PLCD1: variants seen among roughly 807,000 people sequenced by gnomAD.
The protein encoded by PLCD1 is phospholipase C delta 1, also known as 1-phosphatidylinositol 4,5-bisphosphate phosphodiesterase delta-1.
A neutral mutation model predicts 87.4 loss-of-function variants in PLCD1; 71 were observed. The observed-to-expected ratio is 0.81, with a 90% CI of 0.67 to 0.99. The LOEUF is 0.99. PLCD1 is among the 50% of genes least tolerant of loss of function. The probability of loss-of-function intolerance (pLI) is 0.00; values close to 1 mark genes in which losing one functional copy is unlikely to be tolerated. For synonymous variants in PLCD1, 348 were observed against 399.2 expected (o/e 0.87, Z 1.53); for missense variants, 867 against 1,001.5 (o/e 0.87, Z 1.81).
chr3:38,024,840 AG>A, intron 1 of PLCD1: 1 of 814,796 alleles, frequency 1.2e-6, no homozygotes, highest in South Asian at 1.8e-5. Context: ...GCCATCCAAG[AG>A]GGGTGGGACT....
rs1337585849 is a variant in PLCD1 at position 38,016,717 on chromosome 3, A to T, written c.202T>A (p.Ser68Thr). ...VMRTPESQLF[S>T]IEDIQEVRMG... ...CGCACCTCCTGAATGTCCTCGATGG[A>T]GACTGCGAGAGGGGGATGGTGGAGG... The change falls in exon 3 of 15, where the codon TCC becomes ACC. Residue 68 changes from serine to threonine, a missense_variant and splice_region_variant. Physicochemically the swap from Ser to Thr is moderately conservative, Grantham distance 58. Transcript: ENST00000334661. 1.9e-6 allele frequency: 3 copies of T among 1,548,104 alleles called. No individual in the cohort carries two copies. The South Asian group carries it at 3.6e-5, about 18-fold the overall frequency.
rs1473265059 is a variant in PLCD1, at chr3:38,007,633, G to A, written c.*140C>T. 1.4e-6 allele frequency: 1 copy of A among 725,976 alleles called. No individual in the cohort carries two copies. Among genetic ancestry groups the A allele is most frequent in the Non-Finnish European group, 2.5e-6 (1 of 400,794 alleles). 45.0% of individuals were successfully genotyped at this position (725,976 alleles called of 1,614,324 possible). A position where few individuals can be genotyped will look rare whatever the true frequency, so the allele number is the denominator to read the frequency against. The stretch of plus-strand genomic sequence containing the variant: ...GCTCCTGGTCCCCAGGGAGGCAGCA[G>A]CAGACACTATGTTAGGGCTGAAGGC... On this transcript the variant is annotated 3_prime_UTR_variant, in exon 15 of 15. Coordinates refer to ENST00000334661, the MANE Select transcript of PLCD1 (RefSeq NM_006225.4).
Position 38,009,944 on chromosome 3 carries a change from C to A in PLCD1, c.1247G>T (p.Arg416Leu). The change falls in exon 8 of 15, where the codon CGA becomes CTA. Residue 416 changes from arginine (R) to leucine (L), a missense_variant. Physicochemically the swap from Arg to Leu is moderately radical, Grantham distance 102. Transcript: ENST00000334661. ...HAILGPMLLN[R>L]PLDGVTNSLP... ...GCTGTTGGTGACCCCATCCAGTGGTCGGTTCAACAGCATGGGGCCCAGGAT... is the reference window on the plus strand; with the variant it reads ...GCTGTTGGTGACCCCATCCAGTGGTAGGTTCAACAGCATGGGGCCCAGGAT... 3 of 1,612,960 alleles carry A rather than the reference C, an allele frequency of 1.9e-6. No individual in the cohort carries two copies. Among genetic ancestry groups the A allele is most frequent in the Non-Finnish European group, 2.5e-6 (3 of 1,179,302 alleles).
At chr3:38,014,501 A>C (rs1178136006) in intron 3 of PLCD1, 1 of 153,792 alleles carries the variant, frequency 6.5e-6, no homozygotes, top group Non-Finnish European at 1.5e-5. Flanking sequence ...AAACAACAAA[A>C]GAAATAAAGT....
chr3:38,021,422 C>T (rs911907944), intron 1 of PLCD1, among the ~76,000 whole-genome samples: 1 of 152,188 alleles, frequency 6.6e-6, no homozygotes, highest in Non-Finnish European at 1.5e-5. Context: ...TCTTTTGCTG[C>T]TCTCAGAGGT....
Position 38,018,969 on chromosome 3 carries a change from C to A in PLCD1, c.199+1219G>T, listed in dbSNP as rs1016955180. The A allele has an allele frequency of 9.2e-5, 14 of 152,418 alleles. No homozygotes were observed. The highest frequency in any genetic ancestry group is 3.1e-4 in the African/African-American group (13 of 41,464). 9.4% of individuals were successfully genotyped at this position (152,418 alleles called of 1,614,324 possible). ...CTGGCCCTGCTCCTGTCCTGCCTTA[C>A]CTTCAGCCCCTCCACTGGCCACAGG... On this transcript the variant is annotated intron_variant, in intron 2 of 14. Coordinates refer to ENST00000334661, the MANE Select transcript of PLCD1 (RefSeq NM_006225.4). This position sits in a 1 kb window ranked among gnomAD's most constrained non-coding sequence, Gnocchi z 5.7.
chr3:38,019,968 C>A (rs1700209505), intron 2 of PLCD1, among the ~76,000 whole-genome samples: 1 of 152,202 alleles, frequency 6.6e-6, no homozygotes, highest in East Asian at 1.9e-4. Flanking sequence ...CCAGACTAGG[C>A]TTCAATTTCC....
At chr3:38,011,789 C>CT in intron 3 of PLCD1, 116 bp from the exon 4 acceptor site, 2 of 929,946 alleles carry the variant, frequency 2.2e-6, no homozygotes, top group Non-Finnish European at 3.5e-6. Flanking sequence ...GCAGGCCTGA[C>CT]TTACTACACA....
rs537190266 is a variant in PLCD1, at chr3:38,013,459, T to C, written c.429-1786A>G. ...CGATCTCCTGACCTGGTGATCCACC[T>C]GCCTCGGCCTCCCAAAGTGCTGGGA... On this transcript the variant is annotated intron_variant, in intron 3 of 14. Transcript: ENST00000334661. 4.0e-3 allele frequency among the ~76,000 whole-genome samples: 605 copies of C among 152,176 alleles called. 2 individuals carry two copies. Among genetic ancestry groups the C allele is most frequent in the African/African-American group, 0.014 (584 of 41,524 alleles).
At chr3:38,026,992 G>C (rs375533027) in intron 1 of PLCD1, among the ~76,000 whole-genome samples, 1 of 152,226 alleles carries the variant, frequency 6.6e-6, no homozygotes, top group African/African-American at 2.4e-5. Context: ...AAAAGTTAGT[G>C]TGTATGTGGG....
chr3:38,011,287 G>A lies in PLCD1; in HGVS notation c.717C>T (p.His239=). Residue 239 remains histidine (H), a synonymous_variant, in exon 5 of 15, where the codon CAC becomes CAT. Coordinates refer to ENST00000334661, the MANE Select transcript of PLCD1 (RefSeq NM_006225.4). ...GCCCTGCCGCCTCCTCCCGCTGCTG[G>A]TGCTGCAGGAACGTCACTAACTGAT... ...SVDQLVTFLQ[H]QQREEAAGPA... 1 of 1,611,980 alleles carries A rather than the reference G, an allele frequency of 6.2e-7. No individual in the cohort carries two copies. The highest frequency in any genetic ancestry group is 2.2e-5 in the East Asian group (1 of 44,890).
Position 38,009,315 on chromosome 3 carries a change from C to T in PLCD1, c.1563G>A (p.Ala521=), listed in dbSNP as rs577824076. 50 of 1,614,132 alleles carry T rather than the reference C, an allele frequency of 3.1e-5. 1 individual carries two copies. In the South Asian group the frequency reaches 3.8e-4, roughly 12 times the overall value. ...GAAGGGCACGGTTCTCAGAGAAGGACGCCATCTCGTAGAAGGCCTGTCCAG... is the reference window on the plus strand; with the variant it reads ...GAAGGGCACGGTTCTCAGAGAAGGATGCCATCTCGTAGAAGGCCTGTCCAG... ...GTPGQAFYEM[A]SFSENRALRL... is the part of the protein sequence containing the mutation. The change falls in exon 10 of 15, where the codon GCG becomes GCA. Residue 521 remains alanine (A), a synonymous_variant. Transcript: ENST00000334661.
At chr3:38,029,067 G>A (rs906812879) in intron 1 of PLCD1, among the ~76,000 whole-genome samples, 1 of 152,262 alleles carries the variant, frequency 6.6e-6, no homozygotes, top group African/African-American at 2.4e-5. Context: ...CGCGCGGCCT[G>A]ACGCGGTCCA....
Position 38,020,210 on chromosome 3 carries a change from C to T in PLCD1, c.177G>A (p.Met59Ile), listed in dbSNP as rs757717124. ...KTIWQESRKV[M>I]RTPESQLFSI... Reference sequence around the variant, plus strand: ...CACACAGCTGGGACTCCGGGGTCCGCATGACCTTGCGGGACTCCTGCCAGA... The same window carrying T: ...CACACAGCTGGGACTCCGGGGTCCGTATGACCTTGCGGGACTCCTGCCAGA... The change falls in exon 2 of 15, where the codon ATG (methionine) becomes ATA (isoleucine). Residue 59 changes from methionine (M) to isoleucine (I), a missense_variant. Transcript: ENST00000334661. The T allele has an allele frequency of 1.2e-6, 2 of 1,614,104 alleles. No individual in the cohort carries two copies. Among genetic ancestry groups the T allele is most frequent in the South Asian group, 1.1e-5 (1 of 91,086 alleles).
At chr3:38,009,007 C>T in intron 11 of PLCD1, 35 bp downstream of exon 11, 1 of 1,557,602 alleles carries the variant, frequency 6.4e-7, no homozygotes, top group Non-Finnish European at 8.8e-7. Context: ...CTGAAACCCT[C>T]CTCCAGGCCT....
intron 3 of PLCD1, among the ~76,000 whole-genome samples, chr3:38,013,347 G>A (rs1233153011): frequency 1.3e-5 from 2 of 151,754 alleles, no homozygotes; most frequent in Middle Eastern, 3.4e-3. Flanking sequence ...CAAGTAGCTG[G>A]GACTACAGGC....
intron 3 of PLCD1, among the ~76,000 whole-genome samples, chr3:38,014,213 AG>A (rs1281460656): frequency 2.0e-5 from 3 of 152,216 alleles, no homozygotes; most frequent in Non-Finnish European, 4.4e-5. Flanking sequence ...AGAAATTGAC[AG>A]GCTAATCCTA....
intron 1 of PLCD1, 59 bp downstream of exon 1, chr3:38,029,447 A>C: frequency 1.4e-6 from 2 of 1,474,204 alleles, no homozygotes; most frequent in Non-Finnish European, 9.2e-7. Context: ...AGGGCCCGGA[A>C]CAGCTTTCCA....
intron 1 of PLCD1, among the ~76,000 whole-genome samples, chr3:38,026,476 G>A (rs956334658): frequency 5.9e-5 from 9 of 152,168 alleles, no homozygotes; most frequent in East Asian, 1.9e-4. Context: ...CCGAGATGGC[G>A]CAAACTGCAC....
Sources: allele counts gnomAD v4.1 joint callset (sites outside exome capture counted in the v4.1 genomes callset), GRCh38; gene constraint gnomAD v4.1.1; non-coding constraint Gnocchi (gnomAD v3.1); transcripts MANE v1.5; gene names NCBI Gene and HGNC (gene_info 2026-07-23, HGNC 2026-07-21).